Variants in TRIM31 observed in about 807,000 individuals in gnomAD.
TRIM31 encodes the protein tripartite motif containing 31, also known as E3 ubiquitin-protein ligase TRIM31.
In TRIM31, 31 loss-of-function variants were observed where a neutral mutation model predicts 40.6. The observed-to-expected ratio is 0.76, with a 90% confidence interval of 0.57 to 1.03. The LOEUF (loss-of-function observed/expected upper bound fraction) is 1.03. Ranked by LOEUF, TRIM31 falls within the 50% of genes least tolerant of loss-of-function variation. TRIM31 has a pLI of 0.00. For synonymous variants in TRIM31, 164 were observed against 193.9 expected (o/e 0.85, Z 1.28); for missense variants, 455 against 497.5 (o/e 0.91, Z 0.81).
At chr6:30,112,224 A>G (rs558340550) in intron 2 of TRIM31, 165 bp downstream of exon 2, 10 of 691,900 alleles carry the variant, frequency 1.4e-5, no homozygotes, top group African/African-American at 1.4e-4. Flanking sequence ...GCAGTTCCCC[A>G]GACTCAGCTC....
chr6:30,108,742 G>A, intron 5 of TRIM31: 2 of 563,376 alleles, frequency 3.6e-6, no homozygotes, highest in East Asian at 3.0e-5. Context: ...GACAGAGTAG[G>A]GGACCCAGGA....
chr6:30,107,922 G>T (rs545132453), intron 6 of TRIM31, 131 bp downstream of exon 6: 14 of 655,548 alleles, frequency 2.1e-5, no homozygotes, highest in South Asian at 2.1e-4. Flanking sequence ...AAAGTACTCA[G>T]CCAGAAGCCT....
At chr6:30,107,731 C>G (rs1768856569) in intron 6 of TRIM31, 3 of 237,084 alleles carry the variant, frequency 1.3e-5, no homozygotes, top group Admixed American at 5.4e-5. Context: ...CTGAGGCCAT[C>G]TCTGGTCCAC....
chr6:30,108,559 C>CAAAAAAAA (rs28381623), intron 5 of TRIM31, among the ~76,000 whole-genome samples: 1 of 96,598 alleles, frequency 1.0e-5, no homozygotes, highest in African/African-American at 4.3e-5. Flanking sequence ...AGCTCCATCT[C>CAAAAAAAA]AAAAAAAAAA....
intron 1 of TRIM31, 87 bp from the exon 2 acceptor site, chr6:30,112,975 G>A: frequency 1.3e-4 from 72 of 544,732 alleles, no homozygotes; most frequent in South Asian, 5.2e-4. Flanking sequence ...AAAAGAAGAG[G>A]GAGAAAAAAA....
In TRIM31 at chr6:30,108,057, G is replaced by T; in HGVS notation, c.879C>A (p.Phe293Leu). ...HDSITGSLKK[F>L]KDQLQADRKK... is the part of the protein sequence containing the mutation. Reference sequence around the variant, plus strand: ...AAAATACAGCCTCTTCCTTACCTTTGAATTTTTTTAGGCTCCCTGTGATGG... The same window carrying T: ...AAAATACAGCCTCTTCCTTACCTTTTAATTTTTTTAGGCTCCCTGTGATGG... The change falls in exon 6 of 9, where the codon TTC becomes TTA. Residue 293 changes from phenylalanine to leucine, a missense_variant. Phe to Leu is a conservative substitution (Grantham distance 22). Coordinates refer to ENST00000376734, the MANE Select transcript of TRIM31 (RefSeq NM_007028.5). 1 of 1,594,334 alleles carries T rather than the reference G, an allele frequency of 6.3e-7. No homozygotes were observed. The highest frequency in any genetic ancestry group is 8.6e-7 in the Non-Finnish European group (1 of 1,163,320).
At position 30,113,085 on chromosome 6, in the gene TRIM31, A is replaced by G. The variant is rs186781400; in HGVS notation, c.-105T>C. ...CTACCTTGCTACCTCTTGAGAACAA[A>G]TGGATACTTTGAATGTGTAATAGGC... On this transcript the variant is annotated 5_prime_UTR_variant, in exon 1 of 9. Coordinates refer to ENST00000376734, the MANE Select transcript of TRIM31 (RefSeq NM_007028.5). 7 of 440,642 alleles carry G rather than the reference A, an allele frequency of 1.6e-5. No homozygotes were observed. The East Asian group carries it at 2.5e-4, about 16-fold the overall frequency. The allele number at this position is 440,642 out of a possible 1,614,324, so 27.3% of individuals were successfully genotyped here.
chr6:30,110,632 A>G lies in TRIM31; in HGVS notation c.560T>C (p.Leu187Pro), dbSNP rs1365804714. The G allele has an allele frequency of 6.2e-7, 1 of 1,614,174 alleles. No individual in the cohort carries two copies. The highest frequency in any genetic ancestry group is 1.1e-5 in the South Asian group (1 of 91,086). The part of the protein sequence containing the change: ...EKQRILTEFE[L>P]LHQVLEEEKN... Reference sequence around the variant, plus strand: ...CTCCTCCTCTAGGACTTGATGCAGGAGTTCAAATTCTGTGAGGATCCTTTG... The same window carrying G: ...CTCCTCCTCTAGGACTTGATGCAGGGGTTCAAATTCTGTGAGGATCCTTTG... The change falls in exon 4 of 9, where the codon CTC (leucine) becomes CCC (proline). Residue 187 changes from leucine (L) to proline (P), a missense_variant. By Grantham distance (98) the Leu-to-Pro change is moderately conservative. Transcript: ENST00000376734.
chr6:30,108,243 G>T, intron 5 of TRIM31, 75 bp from the exon 6 acceptor site: 1 of 1,018,210 alleles, frequency 9.8e-7, no homozygotes, highest in Non-Finnish European at 1.5e-6. Context: ...GAGATACGCG[G>T]TTGAGAAATG....
At chr6:30,111,008 A>G (rs1478414727) in intron 3 of TRIM31, among the ~76,000 whole-genome samples, 1 of 147,814 alleles carries the variant, frequency 6.8e-6, no homozygotes, top group Non-Finnish European at 1.5e-5. Flanking sequence ...GTGGGGTCAC[A>G]ATGTCTTCAT....
At chr6:30,104,470 G>A (rs1036929068) in intron 7 of TRIM31, among the ~76,000 whole-genome samples, 1 of 152,192 alleles carries the variant, frequency 6.6e-6, no homozygotes, top group African/African-American at 2.4e-5. Context: ...GTGGAGAAAT[G>A]CTGGTGGAAT....
intron 6 of TRIM31, among the ~76,000 whole-genome samples, chr6:30,107,044 G>A (rs1768782913): frequency 6.6e-6 from 1 of 152,142 alleles, no homozygotes; most frequent in South Asian, 2.1e-4. Context: ...AGGTTGCAGT[G>A]AGCCGAGATT....
chr6:30,105,315 A>G, intron 6 of TRIM31, 73 bp from the exon 7 acceptor site: 1 of 1,174,156 alleles, frequency 8.5e-7, no homozygotes, highest in Non-Finnish European at 1.2e-6. Flanking sequence ...ATCACACAGC[A>G]AGGCACTAAT....
At position 30,108,042 on chromosome 6, in the gene TRIM31, C is replaced by T; in HGVS notation, c.883+11G>A. On this transcript the variant is annotated intron_variant, in intron 6 of 8. Coordinates refer to ENST00000376734, the MANE Select transcript of TRIM31 (RefSeq NM_007028.5). ...AGTAGGTGAATAGAGAAAATACAGC[C>T]TCTTCCTTACCTTTGAATTTTTTTA... 1 of 1,539,930 alleles carries T rather than the reference C, an allele frequency of 6.5e-7. No homozygotes were observed. Among genetic ancestry groups the T allele is most frequent in the Non-Finnish European group, 9.0e-7 (1 of 1,114,464 alleles).
Position 30,104,117 on chromosome 6 carries a change from C to G in TRIM31, c.1009G>C (p.Gly337Arg), listed in dbSNP as rs1193497449. 6 of 1,613,012 alleles carry G rather than the reference C, an allele frequency of 3.7e-6. No individual in the cohort carries two copies. In the Admixed American group the frequency reaches 1.0e-4, roughly 27 times the overall value. The change falls in exon 8 of 9, where the codon GGG becomes CGG. Residue 337 changes from glycine (G) to arginine (R), a missense_variant. Gly to Arg is a moderately radical substitution (Grantham distance 125). Transcript: ENST00000376734. ...NHKMNKTSEP[G>R]SSSAGGRTTS... ...GGACTCTTACCTGCAGAAGATGACC[C>G]GGGCTCTGAGGTTTTGTTCATTTTA...
chr6:30,103,724 C>T lies in TRIM31; in HGVS notation c.1090G>A (p.Ala364Thr). 6.2e-7 allele frequency: 1 copy of T among 1,613,072 alleles called. No individual in the cohort carries two copies. The highest frequency in any genetic ancestry group is 2.2e-5 in the East Asian group (1 of 44,886). The change falls in exon 9 of 9, where the codon GCC (alanine) becomes ACC (threonine). Residue 364 changes from alanine (A) to threonine (T), a missense_variant. Coordinates refer to ENST00000376734, the MANE Select transcript of TRIM31 (RefSeq NM_007028.5). Reference sequence around the variant, plus strand: ...AAAGTGACTTTCCCAGCAGACGAGGCCCGAAACAGGGAGTGGGATGGGGCT... The same window carrying T: ...AAAGTGACTTTCCCAGCAGACGAGGTCCGAAACAGGGAGTGGGATGGGGCT... ...SSAPSHSLFR[A>T]SSAGKVTFPV...
chr6:30,110,592 T>A lies in TRIM31; in HGVS notation c.600A>T (p.Leu200=). 6.2e-7 allele frequency: 1 copy of A among 1,614,220 alleles called. No homozygotes were observed. The highest frequency in any genetic ancestry group is 8.5e-7 in the Non-Finnish European group (1 of 1,180,034). ...QVLEEEKNFL[L]SRIYWLGHEG... is the part of the protein sequence containing the mutation. ...CATGACCCAGCCAGTAAATCCGTGA[T>A]AGCAGGAAATTCTTCTCCTCCTCTA... Residue 200 remains leucine (L), a synonymous_variant, in exon 4 of 9, where the codon CTA becomes CTT. Coordinates refer to ENST00000376734, the MANE Select transcript of TRIM31 (RefSeq NM_007028.5).
chr6:30,106,442 C>G (rs186197403), intron 6 of TRIM31, among the ~76,000 whole-genome samples: 1 of 152,034 alleles, frequency 6.6e-6, no homozygotes, highest in Non-Finnish European at 1.5e-5. Context: ...CCAGTCACCC[C>G]GAGCAGGGAG....
Position 30,110,502 on chromosome 6 carries a change from C to A in TRIM31, c.690G>T (p.Lys230Asn). The A allele has an allele frequency of 6.2e-7, 1 of 1,614,190 alleles. No individual in the cohort carries two copies. Among genetic ancestry groups the A allele is most frequent in the Non-Finnish European group, 8.5e-7 (1 of 1,180,036 alleles). ...GCTTGGTCTTCAGGGAATCAACGAG[C>A]TTCTTGAGATCGTTCAACTGTGGCT... Reference protein sequence around the residue: ...STEPQLNDLKKLVDSLKTKQN... With the variant: ...STEPQLNDLKNLVDSLKTKQN... The change falls in exon 4 of 9, where the codon AAG becomes AAT. Residue 230 changes from lysine to asparagine, a missense_variant. Physicochemically the swap from Lys to Asn is moderately conservative, Grantham distance 94. Transcript: ENST00000376734.
Sources: allele counts gnomAD v4.1 joint callset (sites outside exome capture counted in the v4.1 genomes callset), GRCh38; gene constraint gnomAD v4.1.1; transcripts MANE v1.5; gene names NCBI Gene and HGNC (gene_info 2026-07-23, HGNC 2026-07-21).